Variants in FARS2 observed in about 807,000 individuals in gnomAD.
The protein encoded by FARS2 is phenylalanine--tRNA ligase, mitochondrial.
In FARS2, 40 loss-of-function variants were observed where a neutral mutation model predicts 46.4. The observed-to-expected ratio is 0.86, with a 90% confidence interval of 0.67 to 1.12. The LOEUF is 1.12. Ranked by LOEUF, FARS2 falls within the 50% of genes most tolerant of loss-of-function variation. FARS2 has a pLI of 0.00. For missense variants in FARS2, 513 were observed against 567.9 expected, an observed-to-expected ratio of 0.90 and a Z score of 0.98; for synonymous variants, 234 against 214.9, an observed-to-expected ratio of 1.09 and a Z score of -0.78.
chr6:5,743,979 G>A (rs759828915), intron 6 of FARS2, among the ~76,000 whole-genome samples: 6 of 152,166 alleles, frequency 3.9e-5, no homozygotes, highest in Non-Finnish European at 7.3e-5. Flanking sequence ...ATAGGAGCTC[G>A]GCCATTTGGG....
At chr6:5,535,290 T>A (rs980782457) in intron 4 of FARS2, among the ~76,000 whole-genome samples, 4 of 152,256 alleles carry the variant, frequency 2.6e-5, no homozygotes, top group Admixed American at 1.3e-4. Context: ...AATTTCCTTT[T>A]CAGATTGTTC....
At chr6:5,760,273 G>T (rs1235956298) in intron 6 of FARS2, among the ~76,000 whole-genome samples, 1 of 152,196 alleles carries the variant, frequency 6.6e-6, no homozygotes, top group Non-Finnish European at 1.5e-5. Flanking sequence ...AATAATGGGG[G>T]TTGAGGGTGA....
chr6:5,268,588 G>C (rs934963551), intron 1 of FARS2, among the ~76,000 whole-genome samples: 1 of 152,046 alleles, frequency 6.6e-6, no homozygotes, highest in Non-Finnish European at 1.5e-5. Flanking sequence ...ACAGTACCAT[G>C]CTGTTTTGGT....
chr6:5,697,701 A>G (rs1173353500), intron 6 of FARS2, among the ~76,000 whole-genome samples: 3 of 152,228 alleles, frequency 2.0e-5, no homozygotes, highest in African/African-American at 7.2e-5. Flanking sequence ...GTTTCAGGTC[A>G]TTGTTTTAAT....
rs766470412 is a variant in FARS2, at chr6:5,404,552, G to T, written c.623G>T (p.Gly208Val). ...RLFSKHELFAGIKDGESLQLF... is the reference protein window; with the variant it reads ...RLFSKHELFAVIKDGESLQLF... Reference sequence around the variant, plus strand: ...CCTGTTGGTTTACAGTTATTTGCTGGTATAAAGGATGGAGAAAGCCTGCAG... The same window carrying T: ...CCTGTTGGTTTACAGTTATTTGCTGTTATAAAGGATGGAGAAAGCCTGCAG... Residue 208 changes from glycine (G) to valine (V), a missense_variant, in exon 3 of 7, where the codon GGT becomes GTT. Transcript: ENST00000274680. 1 of 1,597,590 alleles carries T rather than the reference G, an allele frequency of 6.3e-7. No homozygotes were observed. Among genetic ancestry groups the T allele is most frequent in the Non-Finnish European group, 8.5e-7 (1 of 1,171,022 alleles).
At chr6:5,768,850 A>T (rs1762877029) in intron 6 of FARS2, among the ~76,000 whole-genome samples, 1 of 152,118 alleles carries the variant, frequency 6.6e-6, no homozygotes, top group Admixed American at 6.5e-5. Context: ...GAGTTGTAAG[A>T]GTTCTTTGTA....
intron 2 of FARS2, among the ~76,000 whole-genome samples, chr6:5,397,577 C>T (rs2127705403): frequency 6.6e-6 from 1 of 152,222 alleles, no homozygotes; most frequent in South Asian, 2.1e-4. Flanking sequence ...GTATCTTCCT[C>T]TCAGTTTTGC....
At chr6:5,716,972 A>G (rs971142720) in intron 6 of FARS2, among the ~76,000 whole-genome samples, 2 of 152,230 alleles carry the variant, frequency 1.3e-5, no homozygotes, top group African/African-American at 4.8e-5. Flanking sequence ...AACCAGGTAG[A>G]TATGTGATTG....
chr6:5,457,723 C>T (rs920230464), intron 4 of FARS2, among the ~76,000 whole-genome samples: 1 of 152,034 alleles, frequency 6.6e-6, no homozygotes, highest in African/African-American at 2.4e-5. Flanking sequence ...TGGAAATAAA[C>T]ATAGGGTTTT....
intron 1 of FARS2, among the ~76,000 whole-genome samples, chr6:5,326,887 C>T (rs1374253257): frequency 1.3e-5 from 2 of 152,202 alleles, no homozygotes; most frequent in African/African-American, 4.8e-5. Flanking sequence ...ATATAATCCT[C>T]AAATAACTTC....
chr6:5,619,553 C>T (rs1042315555), intron 6 of FARS2, among the ~76,000 whole-genome samples: 7 of 152,222 alleles, frequency 4.6e-5, no homozygotes, highest in African/African-American at 1.7e-4. Context: ...TCTCAGTTCT[C>T]TTCATCCCTA....
At chr6:5,342,977 A>C (rs1237307533) in intron 1 of FARS2, among the ~76,000 whole-genome samples, 1 of 152,136 alleles carries the variant, frequency 6.6e-6, no homozygotes, top group African/African-American at 2.4e-5. Context: ...CTAGGTATAC[A>C]GCTTACTACA....
chr6:5,548,948 A>G (rs576016746), intron 5 of FARS2, among the ~76,000 whole-genome samples: 60 of 152,374 alleles, frequency 3.9e-4, no homozygotes, highest in Non-Finnish European at 6.6e-4. Flanking sequence ...ATTATAGATC[A>G]TACTATTACC....
intron 6 of FARS2, among the ~76,000 whole-genome samples, chr6:5,655,739 A>G (rs1463801683): frequency 6.6e-6 from 1 of 152,116 alleles, no homozygotes; most frequent in Non-Finnish European, 1.5e-5. Context: ...CCTTTTTGCC[A>G]TGTAAGGCAA....
At chr6:5,674,554 T>A (rs1456735884) in intron 6 of FARS2, among the ~76,000 whole-genome samples, 1 of 152,204 alleles carries the variant, frequency 6.6e-6, no homozygotes, top group Non-Finnish European at 1.5e-5. Context: ...GGAGCAATGA[T>A]TTGCTATTTG....
rs571406377 is a variant in FARS2, at chr6:5,377,045, CA to C, written c.612+7864del. Among the ~76,000 whole-genome samples, 385 of 152,280 alleles carry C rather than the reference CA, an allele frequency of 2.5e-3. 1 individual carries two copies. Among genetic ancestry groups the C allele is most frequent in the African/African-American group, 8.8e-3 (364 of 41,556 alleles). On this transcript the variant is annotated intron_variant, in intron 2 of 6. Transcript: ENST00000274680. ...TTTTGAGACTTACATGTTTGAGAAC[CA>C]CTGTTCTATAGCTTCCAAACGAAAT...
intron 6 of FARS2, among the ~76,000 whole-genome samples, chr6:5,687,834 G>A (rs1238415448): frequency 1.3e-5 from 2 of 152,162 alleles, no homozygotes; most frequent in Non-Finnish European, 2.9e-5. Flanking sequence ...ACCCATGAGT[G>A]TGGAATGTTC....
chr6:5,308,916 T>C (rs1768906938), intron 1 of FARS2, among the ~76,000 whole-genome samples: 1 of 152,182 alleles, frequency 6.6e-6, no homozygotes, highest in Non-Finnish European at 1.5e-5. Flanking sequence ...ACCATCTCCC[T>C]GTATCATTAT....
intron 6 of FARS2, among the ~76,000 whole-genome samples, chr6:5,620,348 A>G (rs1051234793): frequency 3.3e-5 from 5 of 152,206 alleles, no homozygotes; most frequent in African/African-American, 1.2e-4. Context: ...AAAAAGTTTC[A>G]TAAAATTGTA....
Sources: gnomAD v4.1 joint callset for allele counts (sites outside exome capture counted in the v4.1 genomes callset) on GRCh38, gnomAD v4.1.1 for gene constraint, MANE v1.5 for transcripts, NCBI Gene and HGNC (gene_info 2026-07-23, HGNC 2026-07-21) for gene names.